Variants in GRID2 observed in about 807,000 individuals in gnomAD.
GRID2 encodes the protein glutamate receptor ionotropic, delta-2.
Under a neutral mutation model 114.8 loss-of-function variants are expected in GRID2, and 33 were observed. The observed-to-expected ratio is 0.29, with a 90% CI of 0.22 to 0.38. The LOEUF (loss-of-function observed/expected upper bound fraction) is 0.38, where lower values mean the gene tolerates loss of function less well. Ranked by LOEUF, GRID2 falls within the 10% of genes least tolerant of loss-of-function variation. The pLI is 1.00. For missense variants in GRID2, 1,184 were observed against 1,257.7 expected (o/e 0.94, Z 0.89); for synonymous variants, 505 against 449.9 (o/e 1.12, Z -1.55).
chr4:93,222,642 T>G, intron 6 of GRID2, among the ~76,000 whole-genome samples: 1 of 151,342 alleles, frequency 6.6e-6, no homozygotes, highest in Non-Finnish European at 1.5e-5. Flanking sequence ...CAGGCCCCGG[T>G]GTGTGATGTT....
chr4:92,693,081 TATA>T (rs1734255695), intron 2 of GRID2, among the ~76,000 whole-genome samples: 1 of 151,180 alleles, frequency 6.6e-6, no homozygotes, highest in Non-Finnish European at 1.5e-5. Context: ...ATATATACAA[TATA>T]TTATATTTAA....
intron 4 of GRID2, among the ~76,000 whole-genome samples, chr4:93,117,798 G>A (rs910148706): frequency 6.6e-6 from 1 of 152,134 alleles, no homozygotes; most frequent in African/African-American, 2.4e-5. Context: ...GCTATGTATA[G>A]GCAAGAGTTA....
chr4:93,316,332 GA>G (rs56306757), intron 8 of GRID2, among the ~76,000 whole-genome samples: 20 of 48,782 alleles, frequency 4.1e-4, no homozygotes, highest in African/African-American at 1.5e-3. Context: ...AAGAAAGAAA[GA>G]AAGAAAGAAG....
At chr4:92,927,350 G>C (rs979158416) in intron 2 of GRID2, among the ~76,000 whole-genome samples, 3 of 151,848 alleles carry the variant, frequency 2.0e-5, no homozygotes, top group African/African-American at 7.2e-5. Flanking sequence ...TTCTATGGAT[G>C]CTGGCAGAAC....
intron 8 of GRID2, among the ~76,000 whole-genome samples, chr4:93,301,937 A>C (rs1371425883): frequency 1.3e-5 from 2 of 152,182 alleles, no homozygotes; most frequent in Non-Finnish European, 2.9e-5. Context: ...CACCTACATA[A>C]GGCATTTTGT....
intron 2 of GRID2, among the ~76,000 whole-genome samples, chr4:92,840,878 CTT>C (rs1328443495): frequency 3.3e-5 from 5 of 152,112 alleles, no homozygotes; most frequent in African/African-American, 7.2e-5. Flanking sequence ...TTTTGTTTCT[CTT>C]GGTACTCTGT....
rs1173127833 is a variant in GRID2 at position 93,462,529 on chromosome 4, A to G, written c.1858+6555A>G. 2.6e-5 allele frequency among the ~76,000 whole-genome samples: 4 copies of G among 152,162 alleles called. No homozygotes were observed. The East Asian group carries it at 7.7e-4, about 29-fold the overall frequency. On this transcript the variant is annotated intron_variant, in intron 11 of 15. Coordinates refer to ENST00000282020, the MANE Select transcript of GRID2 (RefSeq NM_001510.4). ...CCACTGATTTTGAAATCCCAAGACA[A>G]TTTTTGGAAGAAAATAAAGAGTTCT... is the stretch of plus-strand genomic sequence containing the variant.
intron 1 of GRID2, among the ~76,000 whole-genome samples, chr4:92,353,699 G>C (rs1346127030): frequency 1.3e-5 from 2 of 152,110 alleles, no homozygotes; most frequent in African/African-American, 4.8e-5. Context: ...CAGATTGGCT[G>C]TGTGTGGGGC....
chr4:93,417,641 C>T (rs750478457), intron 9 of GRID2, among the ~76,000 whole-genome samples: 13 of 151,794 alleles, frequency 8.6e-5, no homozygotes, highest in Non-Finnish European at 1.8e-4. Flanking sequence ...TCTCCAGCTA[C>T]GTGTGAATTC....
At chr4:92,571,564 A>G (rs1480086408) in intron 1 of GRID2, among the ~76,000 whole-genome samples, 1 of 152,160 alleles carries the variant, frequency 6.6e-6, no homozygotes, top group East Asian at 1.9e-4. Flanking sequence ...CTCCACCCCA[A>G]ATCAACAGAA....
intron 13 of GRID2, among the ~76,000 whole-genome samples, chr4:93,553,805 G>C (rs949826550): frequency 6.6e-6 from 1 of 152,192 alleles, no homozygotes; most frequent in African/African-American, 2.4e-5. Context: ...ATCAAACACA[G>C]GAAGACTACT....
chr4:92,837,961 T>C (rs1742583721), intron 2 of GRID2, among the ~76,000 whole-genome samples: 1 of 152,054 alleles, frequency 6.6e-6, no homozygotes. Context: ...GATATCTAAG[T>C]GCTACACAGT....
intron 14 of GRID2, among the ~76,000 whole-genome samples, chr4:93,633,117 C>A (rs1401334362): frequency 6.6e-6 from 1 of 150,992 alleles, no homozygotes; most frequent in Non-Finnish European, 1.5e-5. Context: ...AAATCACAAT[C>A]CTTGGTACTT....
chr4:92,709,589 A>AAAAATATATATAT (rs779775767), intron 2 of GRID2, among the ~76,000 whole-genome samples: 61 of 114,624 alleles, frequency 5.3e-4, no homozygotes, highest in African/African-American at 1.5e-3. Context: ...AAAAAAAAAA[A>AAAAATATATATAT]ATATATATAT....
At chr4:93,718,026 CA>C (rs1283652781) in intron 14 of GRID2, among the ~76,000 whole-genome samples, 1 of 152,114 alleles carries the variant, frequency 6.6e-6, no homozygotes, top group Non-Finnish European at 1.5e-5. Context: ...GAGGCCGAGG[CA>C]GGCGGATCAC....
At chr4:92,582,687 G>T (rs956071775) in intron 1 of GRID2, among the ~76,000 whole-genome samples, 2 of 151,812 alleles carry the variant, frequency 1.3e-5, no homozygotes, top group African/African-American at 2.4e-5. Context: ...GAAATGATGG[G>T]TGTTGTGGCT....
At chr4:93,201,029 A>G (rs771117699) in intron 4 of GRID2, among the ~76,000 whole-genome samples, 3 of 152,180 alleles carry the variant, frequency 2.0e-5, no homozygotes, top group Non-Finnish European at 4.4e-5. Flanking sequence ...CTTACTGACA[A>G]AAAAGGAAAC....
intron 2 of GRID2, among the ~76,000 whole-genome samples, chr4:92,756,070 TC>T (rs1353238327): frequency 1.3e-5 from 2 of 152,062 alleles, no homozygotes; most frequent in Non-Finnish European, 2.9e-5. Context: ...CCTTGTTCCT[TC>T]CAAACTCTCT....
intron 14 of GRID2, among the ~76,000 whole-genome samples, chr4:93,693,994 G>C (rs17359716): frequency 0.016 from 2,415 of 152,196 alleles, 40 homozygotes; most frequent in Middle Eastern, 0.024. Flanking sequence ...ATCAAGGCTG[G>C]ATATTCCCTA....
Sources: allele counts gnomAD v4.1 joint callset (sites outside exome capture counted in the v4.1 genomes callset), GRCh38; gene constraint gnomAD v4.1.1; transcripts MANE v1.5; gene names NCBI Gene and HGNC (gene_info 2026-07-23, HGNC 2026-07-21).